MPZL1: variants seen among roughly 807,000 people sequenced by gnomAD.
The protein encoded by MPZL1 is myelin protein zero like 1.
In MPZL1, 16 loss-of-function variants were observed where a neutral mutation model predicts 29.3. That is an observed-to-expected ratio of 0.55 (90% CI 0.37 to 0.83). MPZL1 has a LOEUF of 0.83. MPZL1 is among the 40% of genes least tolerant of loss of function. MPZL1 has a pLI of 0.00. For missense variants in MPZL1, 279 were observed against 332.9 expected, an observed-to-expected ratio of 0.84 and a Z score of 1.26; for synonymous variants, 143 against 132.0, an observed-to-expected ratio of 1.08 and a Z score of -0.57.
At chr1:167,733,367 G>A (rs1242083768) in intron 1 of MPZL1, among the ~76,000 whole-genome samples, 1 of 152,178 alleles carries the variant, frequency 6.6e-6, no homozygotes, top group Non-Finnish European at 1.5e-5. Context: ...GTAAGTTCTA[G>A]GCTATAGATA....
At chr1:167,732,322 G>C (rs902686939) in intron 1 of MPZL1, among the ~76,000 whole-genome samples, 1 of 152,184 alleles carries the variant, frequency 6.6e-6, no homozygotes, top group African/African-American at 2.4e-5. Flanking sequence ...GATTGCTTAG[G>C]AGTGGAGGCT....
In MPZL1 at chr1:167,790,260, G is replaced by C. The variant is rs1661680675; in HGVS notation, c.*2339G>C. The C allele has an allele frequency of 6.6e-6, 1 of 152,472 alleles. No individual in the cohort carries two copies. Among genetic ancestry groups the C allele is most frequent in the African/African-American group, 2.4e-5 (1 of 41,460 alleles). 9.4% of individuals were successfully genotyped at this position (152,472 alleles called of 1,614,324 possible). The stretch of plus-strand genomic sequence containing the variant: ...TCACTCGAATGACACCTGGAGGCCT[G>C]TTCCTCCCTTACCACTCCCTTCCCC... On this transcript the variant is annotated 3_prime_UTR_variant, in exon 6 of 6. Transcript: ENST00000359523.
At chr1:167,776,777 T>G (rs1661376995) in intron 5 of MPZL1, among the ~76,000 whole-genome samples, 1 of 152,232 alleles carries the variant, frequency 6.6e-6, no homozygotes, top group Admixed American at 6.5e-5. Flanking sequence ...TAATTATAAC[T>G]GTGGCTTGGC....
intron 5 of MPZL1, among the ~76,000 whole-genome samples, chr1:167,782,825 G>A (rs957089171): frequency 2.6e-5 from 4 of 152,096 alleles, no homozygotes; most frequent in African/African-American, 9.7e-5. Flanking sequence ...TGACTTTAAA[G>A]ATGAAGAACT....
At chr1:167,728,264 A>T (rs948899510) in intron 1 of MPZL1, among the ~76,000 whole-genome samples, 3 of 149,462 alleles carry the variant, frequency 2.0e-5, no homozygotes, top group African/African-American at 7.4e-5. Flanking sequence ...CTGGTCTCCA[A>T]CTCCTGACCT....
intron 1 of MPZL1, chr1:167,765,258 A>G (rs567661285): frequency 4.4e-4 from 69 of 157,992 alleles, no homozygotes; most frequent in Non-Finnish European, 6.5e-4. Context: ...GGAATATGAG[A>G]ATTCTACCTT....
At chr1:167,723,400 T>C (rs1436434835) in intron 1 of MPZL1, among the ~76,000 whole-genome samples, 3 of 152,208 alleles carry the variant, frequency 2.0e-5, no homozygotes, top group African/African-American at 7.2e-5. Context: ...AAAGCATAAA[T>C]GTAAAAGTCT....
intron 5 of MPZL1, among the ~76,000 whole-genome samples, chr1:167,783,022 C>G (rs1030179211): frequency 6.6e-6 from 1 of 152,194 alleles, no homozygotes; most frequent in Non-Finnish European, 1.5e-5. Context: ...TTAAAATTGT[C>G]TTTATTCTCC....
chr1:167,733,927 G>T (rs1660322522), intron 1 of MPZL1, among the ~76,000 whole-genome samples: 1 of 151,668 alleles, frequency 6.6e-6, no homozygotes, highest in African/African-American at 2.4e-5. Flanking sequence ...TATGTCCTCT[G>T]GACACTCACA....
At chr1:167,736,687 T>C (rs958926066) in intron 1 of MPZL1, among the ~76,000 whole-genome samples, 2 of 152,186 alleles carry the variant, frequency 1.3e-5, no homozygotes, top group Admixed American at 1.3e-4. Context: ...CACTCCCTCC[T>C]TTCCATTGTC....
rs146430556 is a variant in MPZL1 at position 167,759,360 on chromosome 1, T to C, written c.92-6223T>C. On this transcript the variant is annotated intron_variant, in intron 1 of 5. Transcript: ENST00000359523. ...TGAATTCAACAATAATTTTACTATG[T>C]ATTCCCATAATACTCCTAGTCATTT... Among the ~76,000 whole-genome samples, 107 of 152,354 alleles carry C rather than the reference T, an allele frequency of 7.0e-4. No individual in the cohort carries two copies. In the East Asian group the frequency reaches 0.02, roughly 28 times the overall value.
rs531504692 is a variant in MPZL1, at chr1:167,743,723, G to A, written c.91+21481G>A. Among the ~76,000 whole-genome samples, 36 of 152,146 alleles carry A rather than the reference G, an allele frequency of 2.4e-4. 1 individual carries two copies. Among genetic ancestry groups the A allele is most frequent in the Admixed American group, 9.2e-4 (14 of 15,262 alleles). On this transcript the variant is annotated intron_variant, in intron 1 of 5. Transcript: ENST00000359523. ...GATTCTCAGCTTGGTTGCTGTTGGT[G>A]TATAGAAGAGCTACTGATTTGTTTA...
chr1:167,727,909 C>T (rs1468374412), intron 1 of MPZL1, among the ~76,000 whole-genome samples: 2 of 146,674 alleles, frequency 1.4e-5, no homozygotes, highest in Admixed American at 6.7e-5. Flanking sequence ...CGTTTTGTCG[C>T]CCAGGCTGGA....
Position 167,791,752 on chromosome 1 carries a change from G to C in MPZL1, c.*3831G>C, listed in dbSNP as rs1365479945. On this transcript the variant is annotated 3_prime_UTR_variant, in exon 6 of 6. Coordinates refer to ENST00000359523, the MANE Select transcript of MPZL1 (RefSeq NM_003953.6). ...GTTGCAGTTTTCTCCCAGTCCCTTA[G>C]GAGCTGGTTAGAGAGTCCCTTAGGA... The C allele has an allele frequency of 6.6e-6, 1 of 152,180 alleles. No individual in the cohort carries two copies. Among genetic ancestry groups the C allele is most frequent in the Non-Finnish European group, 1.5e-5 (1 of 68,038 alleles). 9.4% of individuals were successfully genotyped at this position (152,180 alleles called of 1,614,324 possible). A position where few individuals can be genotyped will look rare whatever the true frequency, so the allele number is the denominator to read the frequency against.
intron 1 of MPZL1, among the ~76,000 whole-genome samples, chr1:167,733,983 G>A (rs998691779): frequency 5.9e-5 from 9 of 152,030 alleles, no homozygotes; most frequent in Admixed American, 3.3e-4. Context: ...TAGGCCGGGT[G>A]CGGTGGCTCA....
chr1:167,738,495 A>G (rs1425051202), intron 1 of MPZL1, among the ~76,000 whole-genome samples: 2 of 152,162 alleles, frequency 1.3e-5, no homozygotes, highest in African/African-American at 4.8e-5. Flanking sequence ...AGCTGGAAAT[A>G]TATTGATATG....
At chr1:167,770,918 C>T (rs571442177) in intron 2 of MPZL1, among the ~76,000 whole-genome samples, 1 of 152,006 alleles carries the variant, frequency 6.6e-6, no homozygotes, top group African/African-American at 2.4e-5. Flanking sequence ...CCATTGAAAC[C>T]TGGCAGGGTT....
rs1661269771 is a variant in MPZL1 at position 167,772,321 on chromosome 1, C to G, written c.305C>G (p.Pro102Arg). The G allele has an allele frequency of 1.2e-6, 2 of 1,613,860 alleles. No homozygotes were observed. Among genetic ancestry groups the G allele is most frequent in the Non-Finnish European group, 1.7e-6 (2 of 1,179,814 alleles). The stretch of plus-strand genomic sequence containing the variant: ...CAAGTGTACCTTGGGAATTATCCAC[C>G]ATTTAAAGACAGAATCAGCTGGGCT... ...QGQVYLGNYP[P>R]FKDRISWAGD... The change falls in exon 3 of 6, where the codon CCA becomes CGA. Residue 102 changes from proline (P) to arginine (R), a missense_variant. Coordinates refer to ENST00000359523, the MANE Select transcript of MPZL1 (RefSeq NM_003953.6).
intron 2 of MPZL1, among the ~76,000 whole-genome samples, chr1:167,770,385 C>T (rs1386396154): frequency 6.6e-6 from 1 of 152,218 alleles, no homozygotes; most frequent in African/African-American, 2.4e-5. Context: ...ACCCTGCTTC[C>T]AGGTGCTGAG....
Sources: gnomAD v4.1 joint callset for allele counts (sites outside exome capture counted in the v4.1 genomes callset) on GRCh38, gnomAD v4.1.1 for gene constraint, MANE v1.5 for transcripts, NCBI Gene and HGNC (gene_info 2026-07-23, HGNC 2026-07-21) for gene names.